The following SORL1 variants were observed in gnomAD, a reference collection of about 807,000 sequenced individuals.
SORL1 encodes sortilin related receptor 1, also known as sortilin-related receptor.
A neutral mutation model predicts 273.7 loss-of-function variants in SORL1; 127 were observed. The observed-to-expected ratio is 0.46, with a 90% confidence interval of 0.40 to 0.54. The LOEUF (loss-of-function observed/expected upper bound fraction) is 0.54, where lower values mean the gene tolerates loss of function less well. Ranked by LOEUF, SORL1 falls within the 20% of genes least tolerant of loss-of-function variation. The probability of loss-of-function intolerance (pLI) is 0.00; values close to 1 mark genes in which losing one functional copy is unlikely to be tolerated. For missense variants in SORL1, 2,494 were observed against 2,846.1 expected, an observed-to-expected ratio of 0.88 and a Z score of 2.81; for synonymous variants, 1,031 against 1,067.4, an observed-to-expected ratio of 0.97 and a Z score of 0.66.
Position 121,506,796 on chromosome 11 carries a change from G to T in SORL1, c.940-6207G>T, listed in dbSNP as rs913925268. 2.0e-5 allele frequency among the ~76,000 whole-genome samples: 3 copies of T among 152,220 alleles called. No individual in the cohort carries two copies. The South Asian group carries it at 6.2e-4, about 32-fold the overall frequency. On this transcript the variant is annotated intron_variant, in intron 6 of 47. Transcript: ENST00000260197. ...GATGTTTAATTTACTTACATTTAAT[G>T]TAATTACTGAAAGGTAGACTACATA...
Position 121,569,384 on chromosome 11 carries a change from C to T in SORL1, c.3224-773C>T, listed in dbSNP as rs562504404. Among the ~76,000 whole-genome samples, 16 of 152,258 alleles carry T rather than the reference C, an allele frequency of 1.1e-4. No individual in the cohort carries two copies. In the South Asian group the frequency reaches 2.3e-3, roughly 22 times the overall value. On this transcript the variant is annotated intron_variant, in intron 22 of 47. Transcript: ENST00000260197. The stretch of plus-strand genomic sequence containing the variant: ...AAACTCTGACTGCCGGTGAGCCGGG[C>T]GGAACAGAGCCACATTTCTCTTCTT...
chr11:121,555,895 C>T (rs1862574915), intron 18 of SORL1, among the ~76,000 whole-genome samples: 1 of 152,188 alleles, frequency 6.6e-6, no homozygotes, highest in Admixed American at 6.5e-5. Flanking sequence ...GTAGTGTGCT[C>T]AGCTCACTGC....
At chr11:121,565,198 C>T (rs1862737676) in intron 21 of SORL1, among the ~76,000 whole-genome samples, 1 of 152,222 alleles carries the variant, frequency 6.6e-6, no homozygotes, top group Admixed American at 6.5e-5. Context: ...ACTGTTTCAT[C>T]ATGTGGACTT....
chr11:121,531,284 CT>C (rs1185286739), intron 11 of SORL1, among the ~76,000 whole-genome samples: 17 of 152,262 alleles, frequency 1.1e-4, no homozygotes, highest in African/African-American at 4.1e-4. Flanking sequence ...ATCCCAGCTA[CT>C]TGGGAGGTTG....
At chr11:121,466,526 C>T (rs1417193496) in intron 1 of SORL1, among the ~76,000 whole-genome samples, 1 of 152,138 alleles carries the variant, frequency 6.6e-6, no homozygotes, top group African/African-American at 2.4e-5. Context: ...GCAGGAAAAG[C>T]CTGCTTTGTT....
Position 121,595,527 on chromosome 11 carries a change from C to T in SORL1, c.4370-96C>T, listed in dbSNP as rs12798984. ...TGTCTTCAGGTTCCCATTGTAATTTCTAAAGCACCGTAATCTCCTAGCATA... is the reference window on the plus strand; with the variant it reads ...TGTCTTCAGGTTCCCATTGTAATTTTTAAAGCACCGTAATCTCCTAGCATA... On this transcript the variant is annotated intron_variant, in intron 31 of 47. Coordinates refer to ENST00000260197, the MANE Select transcript of SORL1 (RefSeq NM_003105.6). This position sits in a 1 kb window ranked among gnomAD's most constrained non-coding sequence, Gnocchi z 5.1. The T allele has an allele frequency of 8.8e-7, 1 of 1,138,898 alleles. No individual in the cohort carries two copies. The highest frequency in any genetic ancestry group is 2.2e-5 in the Admixed American group (1 of 46,402). 70.5% of individuals were successfully genotyped at this position (1,138,898 alleles called of 1,614,324 possible).
chr11:121,454,982 A>T (rs1457169220), intron 1 of SORL1, among the ~76,000 whole-genome samples: 3 of 152,114 alleles, frequency 2.0e-5, no homozygotes, highest in Admixed American at 2.0e-4. Flanking sequence ...ATATGGTCCT[A>T]CTTTTAGCCT....
chr11:121,624,541 G>C (rs78130818), intron 45 of SORL1, among the ~76,000 whole-genome samples: 4 of 152,154 alleles, frequency 2.6e-5, no homozygotes, highest in Admixed American at 1.3e-4. Flanking sequence ...CAGGTTGTTG[G>C]GGGGCTGAGA....
In SORL1 at chr11:121,595,998, C is replaced by T. The variant is rs567399159; in HGVS notation, c.4519+226C>T. ...TTGACTGCGTTTTAAATACCAGGAG[C>T]GTGTCCAATAAAAATACTTTCTGAA... is the stretch of plus-strand genomic sequence containing the variant. On this transcript the variant is annotated intron_variant, in intron 32 of 47. Coordinates refer to ENST00000260197, the MANE Select transcript of SORL1 (RefSeq NM_003105.6). The surrounding 1 kb of genome is among the most constrained non-coding windows in gnomAD (Gnocchi z 5.1). 8.5e-5 allele frequency among the ~76,000 whole-genome samples: 13 copies of T among 152,166 alleles called. No homozygotes were observed. Among genetic ancestry groups the T allele is most frequent in the South Asian group, 6.2e-4 (3 of 4,826 alleles).
chr11:121,504,951 A>G (rs1166879813), intron 6 of SORL1, among the ~76,000 whole-genome samples: 1 of 152,018 alleles, frequency 6.6e-6, no homozygotes, highest in Non-Finnish European at 1.5e-5. Context: ...CAATGATCAT[A>G]TGTTTCTTTT....
chr11:121,559,446 A>T (rs1357206379), intron 20 of SORL1, 73 bp from the exon 21 acceptor site: 19 of 1,464,488 alleles, frequency 1.3e-5, no homozygotes, highest in Non-Finnish European at 1.8e-5. Context: ...TGCCTGGGGG[A>T]ACTCTTACCC....
chr11:121,523,090 C>A, intron 11 of SORL1, 101 bp downstream of exon 11: 1 of 801,818 alleles, frequency 1.2e-6, no homozygotes, highest in Non-Finnish European at 2.2e-6. Context: ...TGGTCCATGG[C>A]AGAGACCAGT....
chr11:121,611,307 C>CT, intron 39 of SORL1, 149 bp downstream of exon 39: 1 of 564,196 alleles, frequency 1.8e-6, no homozygotes, highest in Non-Finnish European at 3.2e-6. Flanking sequence ...AATACCAGGA[C>CT]TAGGGTGGTT....
intron 40 of SORL1, 59 bp from the exon 41 acceptor site, chr11:121,614,812 C>A (rs1195368523): frequency 2.4e-5 from 33 of 1,395,148 alleles, no homozygotes; most frequent in Non-Finnish European, 2.9e-5. Context: ...TGTACCAAGA[C>A]ACGTTCTTGA....
intron 16 of SORL1, among the ~76,000 whole-genome samples, chr11:121,552,526 C>T (rs1862521392): frequency 6.6e-6 from 1 of 152,172 alleles, no homozygotes; most frequent in Admixed American, 6.5e-5. Flanking sequence ...AGCCTTGCTG[C>T]TGCAAATGTA....
intron 21 of SORL1, among the ~76,000 whole-genome samples, chr11:121,560,899 G>C (rs1416953702): frequency 6.6e-6 from 1 of 152,144 alleles, no homozygotes; most frequent in Admixed American, 6.5e-5. Flanking sequence ...TTAGGGGCTG[G>C]CCTTTTGTTG....
In SORL1 at chr11:121,604,396, G is replaced by A. The variant is rs762490545; in HGVS notation, c.4651+72G>A. ...GCTCGCTTACCCCAGGGCCCCTCCTGTGTAGACCTTGAGCTAGGACCCTTT... is the reference window on the plus strand; with the variant it reads ...GCTCGCTTACCCCAGGGCCCCTCCTATGTAGACCTTGAGCTAGGACCCTTT... On this transcript the variant is annotated intron_variant, in intron 33 of 47. Coordinates refer to ENST00000260197, the MANE Select transcript of SORL1 (RefSeq NM_003105.6). 676 of 1,563,628 alleles carry A rather than the reference G, an allele frequency of 4.3e-4. 2 individuals carry two copies. Among genetic ancestry groups the A allele is most frequent in the Middle Eastern group, 3.2e-3 (18 of 5,634 alleles).
At chr11:121,615,922 G>A (rs1863632298) in intron 41 of SORL1, among the ~76,000 whole-genome samples, 1 of 152,114 alleles carries the variant, frequency 6.6e-6, no homozygotes, top group African/African-American at 2.4e-5. Flanking sequence ...GCTCAGTGAG[G>A]CGAAGTAACT....
At position 121,608,172 on chromosome 11, in the gene SORL1, A is replaced by G; in HGVS notation, c.5235A>G (p.Gly1745=). ...SDSKSITTIK[G]KVIPPPDIHI... ...CTAAATCCATTACCACCATAAAAGGAAAAGGTAAATGATCCCAGCATTTGC... is the reference window on the plus strand; with the variant it reads ...CTAAATCCATTACCACCATAAAAGGGAAAGGTAAATGATCCCAGCATTTGC... Residue 1745 remains glycine (G), a synonymous_variant, in exon 38 of 48, where the codon GGA becomes GGG. Coordinates refer to ENST00000260197, the MANE Select transcript of SORL1 (RefSeq NM_003105.6). 6.2e-7 allele frequency: 1 copy of G among 1,611,922 alleles called. No homozygotes were observed.
Sources: gnomAD v4.1 joint callset for allele counts (sites outside exome capture counted in the v4.1 genomes callset) on GRCh38, gnomAD v4.1.1 for gene constraint, Gnocchi (gnomAD v3.1) non-coding constraint, MANE v1.5 for transcripts, NCBI Gene and HGNC (gene_info 2026-07-23, HGNC 2026-07-21) for gene names.